The following FLNB variants were observed in gnomAD, a reference collection of about 807,000 sequenced individuals.
The protein encoded by FLNB is filamin-B.
Under a neutral mutation model 250.6 loss-of-function variants are expected in FLNB, and 111 were observed. The observed-to-expected ratio is 0.44, with a 90% CI of 0.38 to 0.52. FLNB has a LOEUF of 0.52. Among genes scored for constraint, FLNB ranks in the 20% least tolerant of loss-of-function variants. The pLI is 0.00. For missense variants in FLNB, 2,869 were observed against 3,447.8 expected, an observed-to-expected ratio of 0.83 and a Z score of 4.20; for synonymous variants, 1,302 against 1,372.1, an observed-to-expected ratio of 0.95 and a Z score of 1.13.
chr3:58,063,091 C>G (rs1559666911), intron 1 of FLNB, among the ~76,000 whole-genome samples: 1 of 152,190 alleles, frequency 6.6e-6, no homozygotes, highest in Non-Finnish European at 1.5e-5. Context: ...AATCGACCCA[C>G]TCATGGTCAC....
At chr3:58,014,665 G>A (rs2097103382) in intron 1 of FLNB, among the ~76,000 whole-genome samples, 1 of 152,196 alleles carries the variant, frequency 6.6e-6, no homozygotes, top group African/African-American at 2.4e-5. Flanking sequence ...AGATACCCAG[G>A]GCCTGGAGCC....
rs1375650098 is a variant in FLNB, at chr3:58,096,133, C to T, written c.907-8C>T. On this transcript the variant is annotated splice_region_variant and splice_polypyrimidine_tract_variant and intron_variant, in intron 5 of 45. Coordinates refer to ENST00000295956, the MANE Select transcript of FLNB (RefSeq NM_001457.4). ...CCTTTTCTAACTGTTGCCCACCTTC[C>T]CTCCTAGGCACAAGTGACCCCTGAC... 1.2e-6 allele frequency: 2 copies of T among 1,611,830 alleles called. No homozygotes were observed. The highest frequency in any genetic ancestry group is 1.7e-6 in the Non-Finnish European group (2 of 1,178,230).
intron 4 of FLNB, among the ~76,000 whole-genome samples, chr3:58,094,142 C>T (rs1007339716): frequency 2.0e-5 from 3 of 152,214 alleles, no homozygotes; most frequent in Non-Finnish European, 2.9e-5. Flanking sequence ...GCCTAGGATG[C>T]GATCTGGGCT....
At chr3:58,060,674 G>A (rs1247597628) in intron 1 of FLNB, among the ~76,000 whole-genome samples, 4 of 150,006 alleles carry the variant, frequency 2.7e-5, no homozygotes, top group East Asian at 4.0e-4. Flanking sequence ...TTAGCTGGGC[G>A]TGGTGGCACA....
chr3:58,094,539 G>C (rs910152352), intron 4 of FLNB, among the ~76,000 whole-genome samples: 1 of 152,216 alleles, frequency 6.6e-6, no homozygotes, highest in South Asian at 2.1e-4. Flanking sequence ...CTGCTGTGTT[G>C]CTTCCATCAA....
intron 32 of FLNB, 67 bp from the exon 33 acceptor site, chr3:58,145,854 A>C (rs2097335017): frequency 6.2e-7 from 1 of 1,608,184 alleles, no homozygotes; most frequent in African/African-American, 1.3e-5. Flanking sequence ...TCAAGATGCC[A>C]GTTGTCCAGG....
At chr3:58,061,683 G>A (rs1052013917) in intron 1 of FLNB, among the ~76,000 whole-genome samples, 2 of 151,244 alleles carry the variant, frequency 1.3e-5, no homozygotes, top group Non-Finnish European at 1.5e-5. Flanking sequence ...AGGTTGCAGT[G>A]AGCCGTGATT....
At chr3:58,071,542 G>GTGTTGAGA (rs2097194596) in intron 1 of FLNB, among the ~76,000 whole-genome samples, 1 of 152,134 alleles carries the variant, frequency 6.6e-6, no homozygotes, top group South Asian at 2.1e-4. Flanking sequence ...GCCTCCCAAA[G>GTGTTGAGA]TGTTGAGATT....
chr3:58,024,284 T>C (rs1186924781), intron 1 of FLNB, among the ~76,000 whole-genome samples: 1 of 152,192 alleles, frequency 6.6e-6, no homozygotes, highest in African/African-American at 2.4e-5. Context: ...CTCTCTGAGT[T>C]TGTGTCCCAG....
At chr3:58,137,593 C>CT (rs2097318619) in intron 28 of FLNB, among the ~76,000 whole-genome samples, 1 of 152,194 alleles carries the variant, frequency 6.6e-6, no homozygotes, top group Non-Finnish European at 1.5e-5. Flanking sequence ...TACCAATGTG[C>CT]TTTTAGTTCA....
chr3:58,116,254 AC>A (rs1471423362), intron 18 of FLNB, among the ~76,000 whole-genome samples: 1 of 151,952 alleles, frequency 6.6e-6, no homozygotes, highest in East Asian at 1.9e-4. Context: ...CCAGAAAGCC[AC>A]CCCCTGACAC....
intron 8 of FLNB, among the ~76,000 whole-genome samples, chr3:58,100,534 T>C (rs761003914): frequency 4.0e-5 from 6 of 150,310 alleles, no homozygotes; most frequent in Admixed American, 6.6e-5. Flanking sequence ...AGACTGTAGA[T>C]GTGCGCCACC....
intron 42 of FLNB, among the ~76,000 whole-genome samples, chr3:58,162,146 C>T (rs892391065): frequency 1.3e-5 from 2 of 152,164 alleles, no homozygotes; most frequent in Non-Finnish European, 2.9e-5. Flanking sequence ...ACGTAGGGTG[C>T]ACAGCTTCAT....
intron 29 of FLNB, among the ~76,000 whole-genome samples, chr3:58,140,366 C>T (rs2097324757): frequency 1.3e-5 from 2 of 152,246 alleles, no homozygotes. Flanking sequence ...GATCTTCCTT[C>T]TGACTGATAT....
At position 58,111,799 on chromosome 3, in the gene FLNB, C is replaced by T. The variant is rs145952210; in HGVS notation, c.2493C>T (p.Pro831=). Residue 831 remains proline (P), a synonymous_variant, in exon 17 of 46, where the codon CCC becomes CCT. Coordinates refer to ENST00000295956, the MANE Select transcript of FLNB (RefSeq NM_001457.4). ...IKVLFASQEI[P]ASPFRVKVDP... ...CTGTGTCTCTGCTACAGGAAATCCC[C>T]GCCAGCCCTTTCAGAGTCAAAGTTG... 1.8e-3 allele frequency: 2,857 copies of T among 1,613,766 alleles called. 8 individuals are homozygous for T. The highest frequency in any genetic ancestry group is 2.0e-3 in the Non-Finnish European group (2,344 of 1,179,660).
chr3:58,106,714 T>C lies in FLNB; in HGVS notation c.1782T>C (p.Ile594=). 1 of 1,614,176 alleles carries C rather than the reference T, an allele frequency of 6.2e-7. No individual in the cohort carries two copies. Among genetic ancestry groups the C allele is most frequent in the Non-Finnish European group, 8.5e-7 (1 of 1,180,034 alleles). The part of the protein sequence containing the change: ...FAIEGPSQAK[I]EYNDQNDGSC... Reference sequence around the variant, plus strand: ...TTGAAGGCCCCTCTCAGGCAAAGATTGAGTACAACGACCAGAATGATGGAT... The same window carrying C: ...TTGAAGGCCCCTCTCAGGCAAAGATCGAGTACAACGACCAGAATGATGGAT... The change falls in exon 12 of 46, where the codon ATT becomes ATC. Residue 594 remains isoleucine (I), a synonymous_variant. Coordinates refer to ENST00000295956, the MANE Select transcript of FLNB (RefSeq NM_001457.4).
intron 1 of FLNB, among the ~76,000 whole-genome samples, chr3:58,061,894 C>T (rs2097179189): frequency 6.6e-6 from 1 of 151,982 alleles, no homozygotes; most frequent in Non-Finnish European, 1.5e-5. Flanking sequence ...GAGTTCAAGA[C>T]CAGCCTGGCC....
intron 22 of FLNB, among the ~76,000 whole-genome samples, chr3:58,125,242 C>A (rs1422073739): frequency 6.6e-6 from 1 of 152,152 alleles, no homozygotes; most frequent in Non-Finnish European, 1.5e-5. Flanking sequence ...AAATGATCCT[C>A]CTGCCTCAGC....
intron 1 of FLNB, among the ~76,000 whole-genome samples, chr3:58,067,669 T>C (rs1047172883): frequency 6.6e-6 from 1 of 150,970 alleles, no homozygotes; most frequent in African/African-American, 2.4e-5. Flanking sequence ...TGATCTTGGC[T>C]CACTGCAAGC....
Sources: allele counts gnomAD v4.1 joint callset (sites outside exome capture counted in the v4.1 genomes callset), GRCh38; gene constraint gnomAD v4.1.1; transcripts MANE v1.5; gene names NCBI Gene and HGNC (gene_info 2026-07-23, HGNC 2026-07-21).